Variants in NUFIP1 observed in about 807,000 individuals in gnomAD.
NUFIP1 encodes the protein FMR1-interacting protein NUFIP1.
NUFIP1 carries 38 observed loss-of-function variants against 56.2 expected under a neutral mutation model. The ratio of observed to expected loss-of-function variants is 0.68; its 90% CI spans 0.52 to 0.89. The LOEUF is 0.89. Among genes scored for constraint, NUFIP1 ranks in the 40% least tolerant of loss-of-function variants. The probability of loss-of-function intolerance (pLI) is 0.00; values close to 1 mark genes in which losing one functional copy is unlikely to be tolerated. For synonymous variants in NUFIP1, 215 were observed against 212.4 expected, an observed-to-expected ratio of 1.01 and a Z score of -0.10; for missense variants, 567 against 605.8, an observed-to-expected ratio of 0.94 and a Z score of 0.67.
chr13:44,965,436 C>T (rs543404521), intron 6 of NUFIP1, among the ~76,000 whole-genome samples: 9 of 152,314 alleles, frequency 5.9e-5, no homozygotes, highest in South Asian at 2.1e-4. Context: ...GGGCCAGGTG[C>T]GGTAATCCCA....
intron 7 of NUFIP1, among the ~76,000 whole-genome samples, chr13:44,955,219 T>G (rs1397014915): frequency 1.3e-5 from 2 of 152,158 alleles, no homozygotes; most frequent in Non-Finnish European, 2.9e-5. Context: ...AAAAATATGC[T>G]AGTAAGGAAA....
At chr13:44,987,047 T>C (rs921306924) in intron 1 of NUFIP1, among the ~76,000 whole-genome samples, 1 of 152,084 alleles carries the variant, frequency 6.6e-6, no homozygotes, top group Admixed American at 6.6e-5. Flanking sequence ...CTCAAACTCC[T>C]GGGCTCAAGC....
intron 5 of NUFIP1, among the ~76,000 whole-genome samples, chr13:44,973,739 T>C (rs981604160): frequency 6.6e-6 from 1 of 152,070 alleles, no homozygotes; most frequent in Non-Finnish European, 1.5e-5. Context: ...TGAGAAAAAA[T>C]ATACCCAAAA....
chr13:44,969,034 C>T (rs1014167035), intron 5 of NUFIP1, among the ~76,000 whole-genome samples: 5 of 152,082 alleles, frequency 3.3e-5, no homozygotes, highest in African/African-American at 1.2e-4. Flanking sequence ...AATTAAATAT[C>T]ATGTTCCTAA....
intron 5 of NUFIP1, among the ~76,000 whole-genome samples, chr13:44,971,960 G>A (rs1871821408): frequency 6.6e-6 from 1 of 152,020 alleles, no homozygotes; most frequent in Non-Finnish European, 1.5e-5. Context: ...CTAAGCCATG[G>A]TAGTAAGGTT....
chr13:44,960,665 A>C (rs1428380929), intron 6 of NUFIP1, among the ~76,000 whole-genome samples: 1 of 152,088 alleles, frequency 6.6e-6, no homozygotes, highest in African/African-American at 2.4e-5. Context: ...CACAGGTACT[A>C]TTTTCTCTGC....
chr13:44,956,045 A>C (rs1331269087), intron 7 of NUFIP1, among the ~76,000 whole-genome samples: 2 of 148,402 alleles, frequency 1.3e-5, no homozygotes, highest in East Asian at 4.1e-4. Context: ...CGGGAGGCTG[A>C]GGCAGGAGAA....
intron 3 of NUFIP1, among the ~76,000 whole-genome samples, chr13:44,980,446 T>C (rs2137923504): frequency 6.6e-6 from 1 of 152,246 alleles, no homozygotes; most frequent in East Asian, 1.9e-4. Context: ...ACAAGGTAAC[T>C]AGAGGAGAGG....
intron 6 of NUFIP1, among the ~76,000 whole-genome samples, chr13:44,964,938 G>A (rs970514298): frequency 5.3e-5 from 8 of 152,192 alleles, no homozygotes; most frequent in Non-Finnish European, 8.8e-5. Context: ...CCGTTTCTAA[G>A]TAACTCAGTT....
chr13:44,988,936 G>C (rs1872541010), intron 1 of NUFIP1, 89 bp downstream of exon 1: 1 of 1,340,652 alleles, frequency 7.5e-7, no homozygotes, highest in South Asian at 1.3e-5. Flanking sequence ...CAGAGGCAAG[G>C]CAGAGTAGAG....
chr13:44,956,453 T>G (rs1421889627), intron 7 of NUFIP1, among the ~76,000 whole-genome samples: 1 of 152,196 alleles, frequency 6.6e-6, no homozygotes, highest in Admixed American at 6.5e-5. Flanking sequence ...TTCAGCACAT[T>G]ACACTTACTG....
rs1870668213 is a variant in NUFIP1, at chr13:44,939,752, C to A, written c.*1454G>T. 1 of 151,960 alleles carries A rather than the reference C, an allele frequency of 6.6e-6. No homozygotes were observed. The highest frequency in any genetic ancestry group is 2.1e-4 in the South Asian group (1 of 4,820). 9.4% of individuals were successfully genotyped at this position (151,960 alleles called of 1,614,324 possible). A position where few individuals can be genotyped will look rare whatever the true frequency, so the allele number is the denominator to read the frequency against. On this transcript the variant is annotated 3_prime_UTR_variant, in exon 10 of 10. Coordinates refer to ENST00000379161, the MANE Select transcript of NUFIP1 (RefSeq NM_012345.3). Reference sequence around the variant, plus strand: ...CCTAAATACATTTATTATCAGGAAACAAGAAAAATGGAAAATAAAACTGTT... The same window carrying A: ...CCTAAATACATTTATTATCAGGAAAAAAGAAAAATGGAAAATAAAACTGTT...
rs1196800061 is a variant in NUFIP1, at chr13:44,983,481, G to A, written c.413-1327C>T. Among the ~76,000 whole-genome samples, 53 of 147,916 alleles carry A rather than the reference G, an allele frequency of 3.6e-4. No individual in the cohort carries two copies. The Middle Eastern group carries it at 0.01, about 29-fold the overall frequency. On this transcript the variant is annotated intron_variant, in intron 1 of 9. Transcript: ENST00000379161. The stretch of plus-strand genomic sequence containing the variant: ...CGTGAGCCACCGCACCCAGCCCCCC[G>A]TCTCAAATAAAAAAAAAAAAAAAGT...
intron 6 of NUFIP1, 54 bp downstream of exon 6, chr13:44,965,790 T>G: frequency 1.0e-6 from 1 of 979,194 alleles, no homozygotes. Context: ...ACATAAGGGT[T>G]TTAAGATTTT....
intron 1 of NUFIP1, among the ~76,000 whole-genome samples, chr13:44,982,545 C>G (rs1872231753): frequency 6.6e-6 from 1 of 152,162 alleles, no homozygotes; most frequent in African/African-American, 2.4e-5. Context: ...TCAAATCCCA[C>G]TGTACTTTTC....
chr13:44,968,543 A>G (rs1386400643), intron 5 of NUFIP1, among the ~76,000 whole-genome samples: 2 of 152,224 alleles, frequency 1.3e-5, no homozygotes, highest in Non-Finnish European at 2.9e-5. Context: ...CGACAATAAA[A>G]ATAGTTTTAC....
Position 44,980,837 on chromosome 13 carries a change from A to G in NUFIP1, c.496-17T>C, listed in dbSNP as rs1448917984. 2.6e-6 allele frequency: 4 copies of G among 1,517,558 alleles called. No individual in the cohort carries two copies. The highest frequency in any genetic ancestry group is 3.6e-6 in the Non-Finnish European group (4 of 1,111,000). The allele number at this position is 1,517,558 out of a possible 1,614,324, so 94.0% of individuals were successfully genotyped here. ...CTTTCTTTTCTGCAAACAAAAACAGAGAGGAATTAGGCTTTTGGTGAAAAA... is the reference window on the plus strand; with the variant it reads ...CTTTCTTTTCTGCAAACAAAAACAGGGAGGAATTAGGCTTTTGGTGAAAAA... On this transcript the variant is annotated splice_polypyrimidine_tract_variant and intron_variant, in intron 2 of 9. Coordinates refer to ENST00000379161, the MANE Select transcript of NUFIP1 (RefSeq NM_012345.3).
chr13:44,977,408 A>G (rs1357063294), intron 5 of NUFIP1, among the ~76,000 whole-genome samples: 1 of 152,254 alleles, frequency 6.6e-6, no homozygotes, highest in Non-Finnish European at 1.5e-5. Context: ...CTACGTCACT[A>G]AGCATGATAT....
intron 5 of NUFIP1, among the ~76,000 whole-genome samples, chr13:44,978,309 A>ATG: frequency 6.6e-6 from 1 of 152,308 alleles, no homozygotes; most frequent in South Asian, 2.1e-4. Context: ...CCAAGTACAA[A>ATG]TGTAACCTGC....
Sources: gnomAD v4.1 joint callset for allele counts (sites outside exome capture counted in the v4.1 genomes callset) on GRCh38, gnomAD v4.1.1 for gene constraint, MANE v1.5 for transcripts, NCBI Gene and HGNC (gene_info 2026-07-23, HGNC 2026-07-21) for gene names.